The following ROR1 variants were observed in gnomAD, a reference collection of about 807,000 sequenced individuals.
ROR1 encodes ROR family WNT receptor 1.
Under a neutral mutation model 78.8 loss-of-function variants are expected in ROR1, and 19 were observed. The observed-to-expected ratio is 0.24, with a 90% CI of 0.17 to 0.35. The LOEUF is 0.35. ROR1 is among the 10% of genes least tolerant of loss of function. The pLI is 1.00. For synonymous variants in ROR1, 386 were observed against 433.6 expected (o/e 0.89, Z 1.36); for missense variants, 917 against 1,177.8 (o/e 0.78, Z 3.24).
chr1:64,145,298 G>A (rs942379019), intron 7 of ROR1, among the ~76,000 whole-genome samples: 1 of 152,058 alleles, frequency 6.6e-6, no homozygotes. Context: ...ACAAAGAAGG[G>A]GAAGGGCTTA....
chr1:63,788,842 A>G, intron 1 of ROR1: 1 of 703,646 alleles, frequency 1.4e-6, no homozygotes, highest in East Asian at 3.0e-5. Context: ...CTGGTTAGCC[A>G]GGAGCTTCAT....
rs369756939 is a variant in ROR1 at position 64,048,043 on chromosome 1, C to T, written c.164-1648C>T. ...AATGTTCCTTCTGAATTTGGGGGGA[C>T]GGAAATTAAAGCAAATAATGAATCA... On this transcript the variant is annotated intron_variant, in intron 2 of 8. Coordinates refer to ENST00000371079, the MANE Select transcript of ROR1 (RefSeq NM_005012.4). Among the ~76,000 whole-genome samples, 60 of 152,168 alleles carry T rather than the reference C, an allele frequency of 3.9e-4. 1 individual carries two copies. The highest frequency in any genetic ancestry group is 6.0e-4 in the African/African-American group (25 of 41,516).
chr1:64,002,885 G>A (rs554732969), intron 1 of ROR1, among the ~76,000 whole-genome samples: 2 of 152,256 alleles, frequency 1.3e-5, no homozygotes, highest in East Asian at 3.9e-4. Context: ...GGGGACCTCT[G>A]GGGCTGAAGG....
At chr1:63,844,681 T>C (rs1234080474) in intron 1 of ROR1, among the ~76,000 whole-genome samples, 3 of 152,136 alleles carry the variant, frequency 2.0e-5, no homozygotes, top group African/African-American at 7.2e-5. Flanking sequence ...TTAGGCCCTA[T>C]AGGAGTCCAG....
chr1:63,852,550 C>T (rs1645120943), intron 1 of ROR1, among the ~76,000 whole-genome samples: 1 of 152,176 alleles, frequency 6.6e-6, no homozygotes, highest in Non-Finnish European at 1.5e-5. Context: ...GGTTTTTAGA[C>T]TCATGCTGAG....
At chr1:63,842,245 A>G (rs1048496016) in intron 1 of ROR1, among the ~76,000 whole-genome samples, 1 of 141,792 alleles carries the variant, frequency 7.1e-6, no homozygotes, top group African/African-American at 3.2e-5. Context: ...TCTTACTTGC[A>G]AATGAACTTG....
intron 1 of ROR1, among the ~76,000 whole-genome samples, chr1:63,794,816 T>A (rs1644749743): frequency 6.6e-6 from 1 of 152,224 alleles, no homozygotes; most frequent in Non-Finnish European, 1.5e-5. Context: ...CCTGACTGTA[T>A]GCCCGGGACT....
At chr1:63,837,375 C>T (rs1184823728) in intron 1 of ROR1, among the ~76,000 whole-genome samples, 1 of 152,138 alleles carries the variant, frequency 6.6e-6, no homozygotes, top group Non-Finnish European at 1.5e-5. Context: ...ACATGATGCA[C>T]ATTTCCAGAT....
chr1:64,143,256 A>G lies in ROR1; in HGVS notation c.1174+606A>G, dbSNP rs1038918422. The G allele has an allele frequency of 5.7e-5, 56 of 986,490 alleles. No individual in the cohort carries two copies. The African/African-American group carries it at 9.5e-4, about 17-fold the overall frequency. The allele number at this position is 986,490 out of a possible 1,614,324, so 61.1% of individuals were successfully genotyped here. A position where few individuals can be genotyped will look rare whatever the true frequency, so the allele number is the denominator to read the frequency against. On this transcript the variant is annotated intron_variant, in intron 7 of 8. Transcript: ENST00000371079. The stretch of plus-strand genomic sequence containing the variant: ...GAAAATGGGCCAAGCATGGTGGCTT[A>G]TACCTGTAATCCCAACACTCTAGGA...
intron 1 of ROR1, among the ~76,000 whole-genome samples, chr1:64,002,886 G>A (rs576505598): frequency 6.6e-6 from 1 of 152,234 alleles, no homozygotes; most frequent in South Asian, 2.1e-4. Flanking sequence ...GGGACCTCTG[G>A]GGCTGAAGGG....
intron 2 of ROR1, among the ~76,000 whole-genome samples, chr1:64,014,851 G>C (rs967284146): frequency 7.0e-6 from 1 of 143,410 alleles, no homozygotes; most frequent in African/African-American, 2.6e-5. Context: ...TGTGCAGTGT[G>C]GGTCTTATAA....
chr1:64,080,972 G>A (rs1178206012), intron 4 of ROR1, among the ~76,000 whole-genome samples: 1 of 152,174 alleles, frequency 6.6e-6, no homozygotes, highest in Non-Finnish European at 1.5e-5. Context: ...TCCCCACACA[G>A]CACATGCTAA....
At chr1:64,147,142 G>A (rs1010983422) in intron 7 of ROR1, among the ~76,000 whole-genome samples, 7 of 152,094 alleles carry the variant, frequency 4.6e-5, no homozygotes, top group Admixed American at 2.6e-4. Context: ...AAATCTTCCC[G>A]TGCTGATGAA....
chr1:64,158,895 G>A (rs1649851840), intron 7 of ROR1, 86 bp from the exon 8 acceptor site: 3 of 952,338 alleles, frequency 3.2e-6, no homozygotes, highest in South Asian at 3.0e-5. Context: ...AATAGAAGAG[G>A]TGGTTCATTT....
chr1:63,796,445 A>T (rs1340366793), intron 1 of ROR1, among the ~76,000 whole-genome samples: 1 of 152,230 alleles, frequency 6.6e-6, no homozygotes, highest in Non-Finnish European at 1.5e-5. Flanking sequence ...ACATGATCCC[A>T]GGTGATTTAT....
At chr1:63,975,141 A>G (rs1646148930) in intron 1 of ROR1, among the ~76,000 whole-genome samples, 1 of 152,200 alleles carries the variant, frequency 6.6e-6, no homozygotes. Context: ...TACAGGTTTC[A>G]TCTTCTCACG....
At position 64,178,457 on chromosome 1, in the gene ROR1, A is replaced by G; in HGVS notation, c.2416A>G (p.Ile806Val). Residue 806 changes from isoleucine to valine, a missense_variant, in exon 9 of 9, where the codon ATT becomes GTT. By Grantham distance (29) the Ile-to-Val change is conservative. Transcript: ENST00000371079. The surrounding 1 kb of genome is among the most constrained non-coding windows in gnomAD (Gnocchi z 4.3). ...ITPQGQIAGF[I>V]GPPIPQNQRF... The stretch of plus-strand genomic sequence containing the variant: ...ACCACAGGGCCAGATTGCTGGTTTC[A>G]TTGGCCCGCCAATACCTCAGAACCA... 1 of 1,614,148 alleles carries G rather than the reference A, an allele frequency of 6.2e-7. No individual in the cohort carries two copies. The highest frequency in any genetic ancestry group is 8.5e-7 in the Non-Finnish European group (1 of 1,180,030).
chr1:63,936,594 T>C (rs1180745263), intron 1 of ROR1, among the ~76,000 whole-genome samples: 1 of 152,164 alleles, frequency 6.6e-6, no homozygotes, highest in Non-Finnish European at 1.5e-5. Flanking sequence ...TTGACACCAT[T>C]ATATTTCTTC....
chr1:63,991,109 GTTT>G (rs1646292787), intron 1 of ROR1, among the ~76,000 whole-genome samples: 1 of 26,496 alleles, frequency 3.8e-5, no homozygotes, highest in Non-Finnish European at 3.8e-4. Flanking sequence ...TTTTTGTTTT[GTTT>G]TGTTTTGTTT....
Sources: gnomAD v4.1 joint callset for allele counts (sites outside exome capture counted in the v4.1 genomes callset) on GRCh38, gnomAD v4.1.1 for gene constraint, Gnocchi (gnomAD v3.1) non-coding constraint, MANE v1.5 for transcripts, NCBI Gene and HGNC (gene_info 2026-07-23, HGNC 2026-07-21) for gene names.